Variants in CCDC150 observed in about 807,000 individuals in gnomAD.
CCDC150 encodes coiled-coil domain containing 150.
In CCDC150, 151 loss-of-function variants were observed where a neutral mutation model predicts 156.5. The ratio of observed to expected loss-of-function variants is 0.97; its 90% confidence interval spans 0.85 to 1.10. CCDC150 has a LOEUF of 1.10. Ranked by LOEUF, CCDC150 falls within the 50% of genes least tolerant of loss-of-function variation. The probability of loss-of-function intolerance (pLI) is 0.00; values close to 1 mark genes in which losing one functional copy is unlikely to be tolerated. For missense variants in CCDC150, 1,312 were observed against 1,268.1 expected, an observed-to-expected ratio of 1.03 and a Z score of -0.53; for synonymous variants, 452 against 429.4, an observed-to-expected ratio of 1.05 and a Z score of -0.65.
chr2:196,665,063 G>A (rs1199695201), intron 5 of CCDC150, among the ~76,000 whole-genome samples: 1 of 152,132 alleles, frequency 6.6e-6, no homozygotes, highest in East Asian at 1.9e-4. Flanking sequence ...CAAAATACAG[G>A]AAAATAAGAG....
At chr2:196,707,208 G>A (rs1200435703) in intron 15 of CCDC150, among the ~76,000 whole-genome samples, 1 of 152,074 alleles carries the variant, frequency 6.6e-6, no homozygotes, top group Non-Finnish European at 1.5e-5. Context: ...CTATTTAGAA[G>A]TTCAATTTCT....
chr2:196,691,622 A>G (rs1467382972), intron 13 of CCDC150, among the ~76,000 whole-genome samples: 1 of 151,660 alleles, frequency 6.6e-6, no homozygotes, highest in African/African-American at 2.4e-5. Context: ...TAGTCTAGCT[A>G]GAAGTCTATC....
chr2:196,661,819 T>C (rs1049238356), intron 5 of CCDC150, among the ~76,000 whole-genome samples: 3 of 152,222 alleles, frequency 2.0e-5, no homozygotes, highest in African/African-American at 7.2e-5. Context: ...ACATTGTAGG[T>C]ATATCACGTA....
At position 196,732,088 on chromosome 2, in the gene CCDC150, T is replaced by TACA. The variant is rs2125724417; in HGVS notation, c.3128_3130dup (p.Gln1043dup). ...TGGTTTAAGCACAGGTTTGATGGTC[T>TACA]ACAACTTGAGCTGACAAAAAACCGG... On this transcript the variant is annotated inframe_insertion, in exon 27 of 28. Transcript: ENST00000389175. 6.2e-7 allele frequency: 1 copy of TACA among 1,613,892 alleles called. No individual in the cohort carries two copies.
rs115749478 is a variant in CCDC150 at position 196,673,123 on chromosome 2, C to G, written c.1029+686C>G. The stretch of plus-strand genomic sequence containing the variant: ...TTTTTAAATATAATAACATCAACTA[C>G]TATTACTCTTTCTATACTAATAGTA... On this transcript the variant is annotated intron_variant, in intron 9 of 27. Transcript: ENST00000389175. 8.3e-3 allele frequency among the ~76,000 whole-genome samples: 1,256 copies of G among 152,208 alleles called. 19 individuals carry two copies. Among genetic ancestry groups the G allele is most frequent in the African/African-American group, 0.029 (1,193 of 41,534 alleles).
At chr2:196,680,890 G>A (rs956406819) in intron 13 of CCDC150, among the ~76,000 whole-genome samples, 3 of 152,060 alleles carry the variant, frequency 2.0e-5, no homozygotes, top group Admixed American at 2.0e-4. Context: ...ACTTGTTATT[G>A]TTCACATTTT....
chr2:196,682,091 G>A (rs1285830521), intron 13 of CCDC150, among the ~76,000 whole-genome samples: 1 of 151,842 alleles, frequency 6.6e-6, no homozygotes, highest in African/African-American at 2.4e-5. Flanking sequence ...ATAGTTTTAT[G>A]TATTAATTTA....
chr2:196,730,943 C>T lies in CCDC150; in HGVS notation c.3067C>T (p.Gln1023Ter). 1 of 1,592,258 alleles carries T rather than the reference C, an allele frequency of 6.3e-7. No homozygotes were observed. The part of the protein sequence containing the change: ...TLKEASVESE[Q>*]ITANLEEAHR... Reference sequence around the variant, plus strand: ...GAAAGAAGCCAGTGTGGAATCAGAACAGGTGAGCCAGACCCACGGACATAA... The same window carrying T: ...GAAAGAAGCCAGTGTGGAATCAGAATAGGTGAGCCAGACCCACGGACATAA... The change falls in exon 26 of 28, where the codon CAG becomes TAG. Residue 1023 changes from glutamine to a stop codon, truncating the protein, a stop_gained and splice_region_variant. Transcript: ENST00000389175. LOFTEE classifies it high-confidence loss of function.
At chr2:196,725,061 A>G (rs779670459) in intron 21 of CCDC150, among the ~76,000 whole-genome samples, 2 of 152,182 alleles carry the variant, frequency 1.3e-5, no homozygotes, top group African/African-American at 2.4e-5. Context: ...CCAAGTGGAG[A>G]AACTGAATCC....
chr2:196,672,286 A>G (rs926270310), intron 8 of CCDC150, 59 bp from the exon 9 acceptor site: 3 of 741,790 alleles, frequency 4.0e-6, no homozygotes, highest in East Asian at 3.3e-5. Context: ...AGTTATTTTT[A>G]TAGGGGTGCA....
At position 196,703,357 on chromosome 2, in the gene CCDC150, T is replaced by C. The variant is rs148455345; in HGVS notation, c.1695+2177T>C. Among the ~76,000 whole-genome samples the C allele has an allele frequency of 7.2e-4, 109 of 152,244 alleles. 4 individuals carry two copies. The East Asian group carries it at 0.021, about 29-fold the overall frequency. ...ACTAGAACAATAAAAAGAACTACAA[T>C]AAAAAGAATTACTAGAACACCTATT... On this transcript the variant is annotated intron_variant, in intron 15 of 27. Transcript: ENST00000389175.
At chr2:196,716,954 G>T (rs1236352640) in intron 17 of CCDC150, among the ~76,000 whole-genome samples, 1 of 147,330 alleles carries the variant, frequency 6.8e-6, no homozygotes, top group African/African-American at 2.5e-5. Context: ...TCTGCCTCCT[G>T]GGTTCAAGCG....
intron 17 of CCDC150, among the ~76,000 whole-genome samples, chr2:196,714,075 T>G (rs1697323617): frequency 6.6e-6 from 1 of 152,300 alleles, no homozygotes; most frequent in South Asian, 2.1e-4. Context: ...TTCATCTTTA[T>G]CTGATATTTA....
intron 26 of CCDC150, among the ~76,000 whole-genome samples, chr2:196,731,714 T>C (rs1698533246): frequency 6.6e-6 from 1 of 152,118 alleles, no homozygotes; most frequent in African/African-American, 2.4e-5. Context: ...AAGAGTCTTT[T>C]GTGCATTTTT....
chr2:196,724,448 A>G (rs1698095837), intron 21 of CCDC150, among the ~76,000 whole-genome samples: 1 of 152,194 alleles, frequency 6.6e-6, no homozygotes, highest in Non-Finnish European at 1.5e-5. Context: ...GATGATGATG[A>G]CAGTAGCTAA....
chr2:196,682,200 C>T (rs1014932219), intron 13 of CCDC150, among the ~76,000 whole-genome samples: 2 of 151,848 alleles, frequency 1.3e-5, no homozygotes, highest in Admixed American at 6.6e-5. Context: ...GAGTACTGTT[C>T]GTTGAAAAGA....
At chr2:196,703,114 A>G (rs910921759) in intron 15 of CCDC150, among the ~76,000 whole-genome samples, 2 of 152,246 alleles carry the variant, frequency 1.3e-5, no homozygotes, top group African/African-American at 4.8e-5. Flanking sequence ...AAATTGCAGC[A>G]TGAGTTTTGG....
chr2:196,655,261 G>T lies in CCDC150; in HGVS notation c.177-1372G>T, dbSNP rs138013059. On this transcript the variant is annotated intron_variant, in intron 2 of 27. Coordinates refer to ENST00000389175, the MANE Select transcript of CCDC150 (RefSeq NM_001080539.2). ...GGGTATGGCCACTGGGAGTGGGCCCGTTTTATATCTACCTCTTTGTTTTCT... is the reference window on the plus strand; with the variant it reads ...GGGTATGGCCACTGGGAGTGGGCCCTTTTTATATCTACCTCTTTGTTTTCT... Among the ~76,000 whole-genome samples the T allele has an allele frequency of 9.9e-4, 151 of 152,270 alleles. No homozygotes were observed. The East Asian group carries it at 0.019, about 19-fold the overall frequency.
chr2:196,657,186 G>T (rs2125585028), intron 4 of CCDC150, 50 bp downstream of exon 4: 1 of 1,546,928 alleles, frequency 6.5e-7, no homozygotes, highest in Non-Finnish European at 8.9e-7. Context: ...TGTGTTAGCT[G>T]GAGGAGGTAA....
Sources: gnomAD v4.1 joint callset for allele counts (sites outside exome capture counted in the v4.1 genomes callset) on GRCh38, gnomAD v4.1.1 for gene constraint, MANE v1.5 for transcripts, NCBI Gene and HGNC (gene_info 2026-07-23, HGNC 2026-07-21) for gene names.